ROCK1: variants seen among roughly 807,000 people sequenced by gnomAD.
The protein encoded by ROCK1 is rho-associated protein kinase 1.
ROCK1 carries 36 observed loss-of-function variants against 196.8 expected under a neutral mutation model. The ratio of observed to expected loss-of-function variants is 0.18; its 90% CI spans 0.14 to 0.24. The LOEUF is 0.24. Among genes scored for constraint, ROCK1 ranks in the 10% least tolerant of loss-of-function variants. The pLI is 1.00. For synonymous variants in ROCK1, 443 were observed against 515.9 expected (o/e 0.86, Z 1.91); for missense variants, 920 against 1,562.0 (o/e 0.59, Z 6.93).
rs2035932533 is a variant in ROCK1 at position 21,023,603 on chromosome 18, AC to A, written c.1272+16del. On this transcript the variant is annotated intron_variant, in intron 11 of 32. Coordinates refer to ENST00000399799, the MANE Select transcript of ROCK1 (RefSeq NM_005406.3). ...CAATTTTAAAAACAATTTTCTTAATACTAAGAAAATACCTACCAAGCTTTTA... is the reference window on the plus strand; with the variant it reads ...CAATTTTAAAAACAATTTTCTTAATATAAGAAAATACCTACCAAGCTTTTA... 1 of 1,394,556 alleles carries A rather than the reference AC, an allele frequency of 7.2e-7. No homozygotes were observed. The highest frequency in any genetic ancestry group is 1.5e-5 in the African/African-American group (1 of 67,866). The allele number at this position is 1,394,556 out of a possible 1,614,324, so 86.4% of individuals were successfully genotyped here.
chr18:21,051,991 G>GT (rs1248810610), intron 2 of ROCK1, among the ~76,000 whole-genome samples: 20 of 152,164 alleles, frequency 1.3e-4, no homozygotes, highest in African/African-American at 4.6e-4. Context: ...TAAGAGTATT[G>GT]TAATACCCCA....
At chr18:20,967,587 A>G (rs1330098733) in intron 26 of ROCK1, among the ~76,000 whole-genome samples, 165 bp downstream of exon 26, 1 of 152,244 alleles carries the variant, frequency 6.6e-6, no homozygotes, top group Non-Finnish European at 1.5e-5. Flanking sequence ...CCCCAATTAT[A>G]GTTAATATTA....
Position 21,044,197 on chromosome 18 carries a change from G to T in ROCK1, c.591-11C>A. The T allele has an allele frequency of 6.3e-7, 1 of 1,589,734 alleles. No homozygotes were observed. The stretch of plus-strand genomic sequence containing the variant: ...TCAGGCTTCACATCTCTGCAGGAGG[G>T]AAAAAATAGTACAGTATTTTCTGAA... On this transcript the variant is annotated splice_polypyrimidine_tract_variant and intron_variant, in intron 5 of 32. Coordinates refer to ENST00000399799, the MANE Select transcript of ROCK1 (RefSeq NM_005406.3).
chr18:20,963,970 A>G (rs2035350137), intron 27 of ROCK1, among the ~76,000 whole-genome samples: 1 of 152,164 alleles, frequency 6.6e-6, no homozygotes, highest in Admixed American at 6.6e-5. Context: ...TTTAGAAGGG[A>G]GATTTAATAT....
intron 1 of ROCK1, among the ~76,000 whole-genome samples, chr18:21,082,779 A>T (rs1212681153): frequency 2.0e-5 from 3 of 152,354 alleles, no homozygotes; most frequent in East Asian, 3.9e-4. Context: ...CAAGACAAAG[A>T]TGTCACCTTT....
chr18:21,045,260 A>T, intron 5 of ROCK1, 32 bp downstream of exon 5: 1 of 1,540,456 alleles, frequency 6.5e-7, no homozygotes, highest in Non-Finnish European at 8.7e-7. Context: ...TCCCTCAACA[A>T]ATGAGAAAAT....
At chr18:20,982,082 C>T (rs924120553) in intron 21 of ROCK1, among the ~76,000 whole-genome samples, 3 of 152,172 alleles carry the variant, frequency 2.0e-5, no homozygotes, top group African/African-American at 4.8e-5. Flanking sequence ...AGAATCACCA[C>T]AAGTCATTTG....
At chr18:21,017,566 G>T (rs1217509921) in intron 12 of ROCK1, among the ~76,000 whole-genome samples, 2 of 152,086 alleles carry the variant, frequency 1.3e-5, no homozygotes, top group African/African-American at 4.8e-5. Context: ...GCCATGTCGT[G>T]ATTTATTCAG....
chr18:20,948,459 A>C lies in ROCK1; in HGVS notation c.*2925T>G, dbSNP rs2035150596. The C allele has an allele frequency of 6.6e-6, 1 of 150,954 alleles. No individual in the cohort carries two copies. Among genetic ancestry groups the C allele is most frequent in the Admixed American group, 6.6e-5 (1 of 15,246 alleles). The allele number at this position is 150,954 out of a possible 1,614,324, so 9.4% of individuals were successfully genotyped here. Reference sequence around the variant, plus strand: ...CAAGTAACTATGAGTTTGTCATTTAAGTTCTTTTACTTATTTTTTTTACTT... The same window carrying C: ...CAAGTAACTATGAGTTTGTCATTTACGTTCTTTTACTTATTTTTTTTACTT... On this transcript the variant is annotated 3_prime_UTR_variant, in exon 33 of 33. Transcript: ENST00000399799.
At position 20,982,157 on chromosome 18, in the gene ROCK1, T is replaced by C. The variant is rs1307374598; in HGVS notation, c.2559+606A>G. On this transcript the variant is annotated intron_variant, in intron 21 of 32. Transcript: ENST00000399799. The stretch of plus-strand genomic sequence containing the variant: ...TGTGGAAGCATATGGCAAGAAAGCA[T>C]ATGGGATGCTACCGATCACTTTGCA... 2.6e-5 allele frequency among the ~76,000 whole-genome samples: 4 copies of C among 152,220 alleles called. No individual in the cohort carries two copies. In the South Asian group the frequency reaches 6.2e-4, roughly 24 times the overall value.
rs1028470931 is a variant in ROCK1 at position 20,947,030 on chromosome 18, T to C, written c.*4354A>G. 6.6e-6 allele frequency: 1 copy of C among 152,202 alleles called. No individual in the cohort carries two copies. The highest frequency in any genetic ancestry group is 2.4e-5 in the African/African-American group (1 of 41,446). The allele number at this position is 152,202 out of a possible 1,614,324, so 9.4% of individuals were successfully genotyped here. ...GCATTATACACTTTATTTCTAAGCA[T>C]TTATATTTTTTCCCTTGAATCTCCA... On this transcript the variant is annotated 3_prime_UTR_variant, in exon 33 of 33. Coordinates refer to ENST00000399799, the MANE Select transcript of ROCK1 (RefSeq NM_005406.3).
intron 27 of ROCK1, among the ~76,000 whole-genome samples, chr18:20,962,402 C>A (rs931950582): frequency 1.3e-5 from 2 of 152,082 alleles, no homozygotes; most frequent in African/African-American, 2.4e-5. Context: ...AGTAATTCCT[C>A]ACCAAAAACA....
chr18:21,104,041 C>G (rs2036681887), intron 1 of ROCK1, among the ~76,000 whole-genome samples: 1 of 152,158 alleles, frequency 6.6e-6, no homozygotes, highest in South Asian at 2.1e-4. Context: ...GGATATACCC[C>G]CTTTTTAGTG....
chr18:21,002,204 T>C (rs1288007858), intron 16 of ROCK1, among the ~76,000 whole-genome samples: 1 of 152,180 alleles, frequency 6.6e-6, no homozygotes, highest in Non-Finnish European at 1.5e-5. Context: ...CCGAATGTCA[T>C]ATGCTACAAA....
At chr18:21,081,775 T>A (rs1184225074) in intron 1 of ROCK1, among the ~76,000 whole-genome samples, 1 of 152,154 alleles carries the variant, frequency 6.6e-6, no homozygotes, top group Admixed American at 6.5e-5. Context: ...GACAAATTCC[T>A]AGAAGCATAC....
At chr18:21,049,422 T>C (rs1238136756) in intron 3 of ROCK1, among the ~76,000 whole-genome samples, 193 bp from the exon 4 acceptor site, 3 of 152,224 alleles carry the variant, frequency 2.0e-5, no homozygotes, top group Admixed American at 6.5e-5. Context: ...TCAGAAGTAA[T>C]GTTTTAAAAA....
intron 7 of ROCK1, 103 bp from the exon 8 acceptor site, chr18:21,042,338 A>G (rs751061411): frequency 3.5e-5 from 40 of 1,131,484 alleles, no homozygotes; most frequent in Non-Finnish European, 4.8e-5. Flanking sequence ...ATTATTAGGT[A>G]TGTATTAAAC....
At chr18:21,098,504 G>C (rs1367755052) in intron 1 of ROCK1, among the ~76,000 whole-genome samples, 10 of 151,862 alleles carry the variant, frequency 6.6e-5, no homozygotes, top group Non-Finnish European at 2.9e-5. Context: ...TTATGATCTG[G>C]ACATAGGGGA....
At position 21,002,196 on chromosome 18, in the gene ROCK1, G is replaced by A. The variant is rs758273893; in HGVS notation, c.1885+4155C>T. On this transcript the variant is annotated intron_variant, in intron 16 of 32. Coordinates refer to ENST00000399799, the MANE Select transcript of ROCK1 (RefSeq NM_005406.3). ...CCATAGAATTCAGGTTATAGACCCC[G>A]AATGTCATATGCTACAAAAGGAACC... 2.8e-4 allele frequency among the ~76,000 whole-genome samples: 43 copies of A among 152,242 alleles called. 1 individual carries two copies. The highest frequency in any genetic ancestry group is 2.2e-3 in the Admixed American group (33 of 15,266).
Sources: allele counts gnomAD v4.1 joint callset (sites outside exome capture counted in the v4.1 genomes callset), GRCh38; gene constraint gnomAD v4.1.1; transcripts MANE v1.5; gene names NCBI Gene and HGNC (gene_info 2026-07-23, HGNC 2026-07-21).